MYO7B: variants seen among roughly 807,000 people sequenced by gnomAD.
MYO7B encodes the protein myosin VIIB.
A neutral mutation model predicts 259.7 loss-of-function variants in MYO7B; 212 were observed. That is an observed-to-expected ratio of 0.82 (90% CI 0.73 to 0.91). MYO7B has a LOEUF of 0.91. Among genes scored for constraint, MYO7B ranks in the 40% least tolerant of loss-of-function variants. The pLI is 0.00. For missense variants in MYO7B, 2,732 were observed against 2,813.5 expected (o/e 0.97, Z 0.66); for synonymous variants, 1,197 against 1,166.4 (o/e 1.03, Z -0.54).
intron 7 of MYO7B, among the ~76,000 whole-genome samples, 155 bp downstream of exon 7, chr2:127,574,217 T>A (rs921205071): frequency 6.6e-6 from 1 of 152,082 alleles, no homozygotes; most frequent in Admixed American, 6.5e-5. Flanking sequence ...TCCCCAGTAT[T>A]CCAGGACAGC....
rs191299548 is a variant in MYO7B, at chr2:127,540,225, G to A, written c.-24+4394G>A. The stretch of plus-strand genomic sequence containing the variant: ...GTCACCCAGGTTGGAGTGCAATGGC[G>A]TGATCTCGGCTCACTGCAATCTCCG... On this transcript the variant is annotated intron_variant, in intron 1 of 47. Coordinates refer to ENST00000409816, the MANE Select transcript of MYO7B (RefSeq NM_001393586.1). 1.0e-3 allele frequency among the ~76,000 whole-genome samples: 152 copies of A among 151,536 alleles called. 1 individual carries two copies. Among genetic ancestry groups the A allele is most frequent in the Non-Finnish European group, 1.9e-3 (131 of 67,930 alleles).
intron 39 of MYO7B, 33 bp downstream of exon 39, chr2:127,632,434 CCCTGGGCCCGCAGA>C: frequency 1.3e-6 from 2 of 1,501,464 alleles, no homozygotes; most frequent in Non-Finnish European, 1.8e-6. Context: ...CCAGCATTGG[CCCTGGGCCCGCAGA>C]CCTGGGATGC....
chr2:127,539,891 T>C lies in MYO7B; in HGVS notation c.-24+4060T>C, dbSNP rs564046162. Among the ~76,000 whole-genome samples, 50 of 152,356 alleles carry C rather than the reference T, an allele frequency of 3.3e-4. No homozygotes were observed. The highest frequency in any genetic ancestry group is 9.4e-4 in the African/African-American group (39 of 41,590). ...GTATCGTTCTTACGCCTTTGCAGCC[T>C]CATAGCTTAGCTCCCATTTATAAGT... On this transcript the variant is annotated intron_variant, in intron 1 of 47. Coordinates refer to ENST00000409816, the MANE Select transcript of MYO7B (RefSeq NM_001393586.1). This position sits in a 1 kb window ranked among gnomAD's most constrained non-coding sequence, Gnocchi z 4.0.
chr2:127,543,508 A>G (rs187942950), intron 1 of MYO7B, among the ~76,000 whole-genome samples: 6 of 152,262 alleles, frequency 3.9e-5, no homozygotes, highest in Admixed American at 1.3e-4. Flanking sequence ...TTCTTTCTAC[A>G]TAGACACAGT....
Position 127,609,922 on chromosome 2 carries a change from G to C in MYO7B, c.3098G>C (p.Ser1033Thr). 10 of 1,609,876 alleles carry C rather than the reference G, an allele frequency of 6.2e-6. No homozygotes were observed. Among genetic ancestry groups the C allele is most frequent in the Non-Finnish European group, 7.6e-6 (9 of 1,177,978 alleles). Residue 1033 changes from serine (S) to threonine (T), a missense_variant, in exon 24 of 48, where the codon AGC becomes ACC. Transcript: ENST00000409816. This position sits in a 1 kb window ranked among gnomAD's most constrained non-coding sequence, Gnocchi z 6.9. ...CCAGAGCCAGTGCTGTATGCCAGGA[G>C]CAGCCAGCAGGGCAGCTCAGTGATG... is the stretch of plus-strand genomic sequence containing the variant. ...DLPEPVLYAR[S>T]SQQGSSVMRQ...
At chr2:127,543,326 T>A (rs1323246956) in intron 1 of MYO7B, among the ~76,000 whole-genome samples, 1 of 140,590 alleles carries the variant, frequency 7.1e-6, no homozygotes, top group Admixed American at 6.9e-5. Context: ...CTTCAAGCAC[T>A]TTTTTTTTTT....
Position 127,565,367 on chromosome 2 carries a change from C to T in MYO7B, c.267C>T (p.Tyr89=). Residue 89 remains tyrosine, a synonymous_variant, in exon 4 of 48, where the codon TAC becomes TAT. Transcript: ENST00000409816. ...AGMVHNLLIR[Y]QQHKIYTYTG... ...TGGTGCACAACCTCCTGATCCGCTA[C>T]CAGCAGCACAAGATCTATGTGAGTC... The T allele has an allele frequency of 6.2e-7, 1 of 1,614,044 alleles. No homozygotes were observed. Among genetic ancestry groups the T allele is most frequent in the Admixed American group, 1.7e-5 (1 of 60,034 alleles).
rs558360998 is a variant in MYO7B, at chr2:127,590,927, C to G, written c.1992+698C>G. Reference sequence around the variant, plus strand: ...ATCGAGTTTGATCTGGGTGCAGTAGCTCACGCTTGTAATCCCAGCACTTTG... The same window carrying G: ...ATCGAGTTTGATCTGGGTGCAGTAGGTCACGCTTGTAATCCCAGCACTTTG... On this transcript the variant is annotated intron_variant, in intron 16 of 47. Coordinates refer to ENST00000409816, the MANE Select transcript of MYO7B (RefSeq NM_001393586.1). The surrounding 1 kb of genome is among the most constrained non-coding windows in gnomAD (Gnocchi z 4.6). Among the ~76,000 whole-genome samples, 1 of 152,370 alleles carries G rather than the reference C, an allele frequency of 6.6e-6. No homozygotes were observed. Among genetic ancestry groups the G allele is most frequent in the African/African-American group, 2.4e-5 (1 of 41,588 alleles).
Position 127,583,972 on chromosome 2 carries a change from T to G in MYO7B, c.1344-150T>G, listed in dbSNP as rs1679203637. The G allele has an allele frequency of 1.2e-5, 8 of 678,280 alleles. No individual in the cohort carries two copies. The South Asian group carries it at 1.4e-4, about 12-fold the overall frequency. 42.0% of individuals were successfully genotyped at this position (678,280 alleles called of 1,614,324 possible). ...AGGAGAGAGAGTGTGCAGGAATGAG[T>G]GTGCATCTCTGTGTACACGAGGTGT... On this transcript the variant is annotated intron_variant, in intron 12 of 47. Transcript: ENST00000409816.
intron 1 of MYO7B, among the ~76,000 whole-genome samples, chr2:127,551,996 C>T (rs1693462726): frequency 6.6e-6 from 1 of 152,126 alleles, no homozygotes; most frequent in Admixed American, 6.5e-5. Flanking sequence ...CTGCTCAGCT[C>T]CAAGGCTGGG....
chr2:127,584,210 C>A lies in MYO7B; in HGVS notation c.1432C>A (p.Arg478Ser), dbSNP rs746922996. 6.2e-7 allele frequency: 1 copy of A among 1,613,844 alleles called. No individual in the cohort carries two copies. The highest frequency in any genetic ancestry group is 8.5e-7 in the Non-Finnish European group (1 of 1,179,896). The change falls in exon 13 of 48, where the codon CGC becomes AGC. Residue 478 changes from arginine (R) to serine (S), a missense_variant. This residue lies in a region of MYO7B where 1,906 missense variants were observed against 2,026.4 expected (regional missense o/e 0.94). Coordinates refer to ENST00000409816, the MANE Select transcript of MYO7B (RefSeq NM_001393586.1). The surrounding 1 kb of genome is among the most constrained non-coding windows in gnomAD (Gnocchi z 5.8). ...HVFTMEQEEY[R>S]SENISWDYIH... ...GTTCACCATGGAGCAAGAGGAGTAC[C>A]GCTCGGAGAACATCTCCTGGGACTA... is the stretch of plus-strand genomic sequence containing the variant.
chr2:127,629,927 C>T (rs903746485), intron 35 of MYO7B, 101 bp downstream of exon 35: 2 of 1,309,948 alleles, frequency 1.5e-6, no homozygotes, highest in Admixed American at 3.3e-5. Context: ...GCCTGCAGCC[C>T]ACCTAGCAGA....
rs200261111 is a variant in MYO7B, at chr2:127,580,756, C to T, written c.1014C>T (p.Phe338=). ...LGNVGFMASV[F]ENLDASDVME... ...TGCTTCTCTCTCTAGCTTCGGTCTT[C>T]GAGAACCTGGACGCCTCAGACGTGA... Residue 338 remains phenylalanine, a synonymous_variant, in exon 10 of 48, where the codon TTC becomes TTT. Coordinates refer to ENST00000409816, the MANE Select transcript of MYO7B (RefSeq NM_001393586.1). 3.4e-4 allele frequency: 542 copies of T among 1,613,072 alleles called. 4 individuals carry two copies. In the Middle Eastern group the frequency reaches 5.9e-3, roughly 18 times the overall value.
intron 19 of MYO7B, among the ~76,000 whole-genome samples, chr2:127,603,917 A>G (rs1311004962): frequency 2.0e-5 from 3 of 152,204 alleles, no homozygotes; most frequent in African/African-American, 4.8e-5. Context: ...GTGGATCACA[A>G]GGTCAGCAGT....
chr2:127,618,994 G>A (rs1483867646), intron 26 of MYO7B, among the ~76,000 whole-genome samples: 1 of 151,680 alleles, frequency 6.6e-6, no homozygotes, highest in Non-Finnish European at 1.5e-5. Flanking sequence ...CGTGGGGGCT[G>A]GTTGGATTGT....
chr2:127,622,194 C>T (rs551200916), intron 28 of MYO7B, 93 bp downstream of exon 28: 1 of 1,439,682 alleles, frequency 6.9e-7, no homozygotes, highest in African/African-American at 1.4e-5. Flanking sequence ...TCTCCTAGGA[C>T]AGAACTTTGT....
Position 127,624,165 on chromosome 2 carries a change from A to T in MYO7B, c.3892A>T (p.Arg1298Trp). The T allele has an allele frequency of 6.3e-7, 1 of 1,596,842 alleles. No individual in the cohort carries two copies. Among genetic ancestry groups the T allele is most frequent in the Non-Finnish European group, 8.5e-7 (1 of 1,172,490 alleles). The change falls in exon 30 of 48, where the codon AGG (arginine) becomes TGG (tryptophan). Residue 1298 changes from arginine (R) to tryptophan (W), a missense_variant. Coordinates refer to ENST00000409816, the MANE Select transcript of MYO7B (RefSeq NM_001393586.1). ...CCGGTGTGAGCAGATGGCCCAGGAG[A>T]GGGGCGAGAGCCAGCGCCAGTCACC... ...IARCEQMAQE[R>W]GESQRQSPWR...
chr2:127,611,846 T>C lies in MYO7B; in HGVS notation c.3193-404T>C, dbSNP rs1426788590. On this transcript the variant is annotated intron_variant, in intron 24 of 47. Coordinates refer to ENST00000409816, the MANE Select transcript of MYO7B (RefSeq NM_001393586.1). This position sits in a 1 kb window ranked among gnomAD's most constrained non-coding sequence, Gnocchi z 5.4. Reference sequence around the variant, plus strand: ...TGCAGTGGCAGAGCATCCTGCTTCATCTGCTATCTTTACTGAGAATGACCA... The same window carrying C: ...TGCAGTGGCAGAGCATCCTGCTTCACCTGCTATCTTTACTGAGAATGACCA... 1.3e-5 allele frequency among the ~76,000 whole-genome samples: 2 copies of C among 152,174 alleles called. No individual in the cohort carries two copies. The highest frequency in any genetic ancestry group is 2.9e-5 in the Non-Finnish European group (2 of 68,024).
intron 10 of MYO7B, among the ~76,000 whole-genome samples, chr2:127,581,686 G>A (rs1402322978): frequency 6.6e-6 from 1 of 152,090 alleles, no homozygotes; most frequent in Non-Finnish European, 1.5e-5. Flanking sequence ...GCCCCCAGGA[G>A]ACCCACTGAG....
Sources: allele counts gnomAD v4.1 joint callset (sites outside exome capture counted in the v4.1 genomes callset), GRCh38; gene constraint gnomAD v4.1.1; regional missense constraint gnomAD v4.1.1; non-coding constraint Gnocchi (gnomAD v3.1); transcripts MANE v1.5; gene names NCBI Gene and HGNC (gene_info 2026-07-23, HGNC 2026-07-21).